The following TTN variants were observed in gnomAD, a reference collection of about 807,000 sequenced individuals.
TTN encodes the protein titin.
In TTN, 1,525 loss-of-function variants were observed where a neutral mutation model predicts 3,223.0. The observed-to-expected ratio is 0.47, with a 90% CI of 0.45 to 0.49. The LOEUF (loss-of-function observed/expected upper bound fraction) is 0.49. TTN is among the 20% of genes least tolerant of loss of function. The pLI is 0.00. For synonymous variants in TTN, 14,094 were observed against 15,161.0 expected (o/e 0.93, Z 5.17); for missense variants, 40,786 against 43,424.0 (o/e 0.94, Z 5.40).
chr2:178,592,287 G>A lies in TTN; in HGVS notation c.59627-10C>T, dbSNP rs775224600. On this transcript the variant is annotated splice_polypyrimidine_tract_variant and intron_variant, in intron 301 of 362. Transcript: ENST00000589042. ...GGTGGCCCAGGTTTATCTAAAAAGT[G>A]TTAAATAACAGTTTGATAAGTAATT... is the stretch of plus-strand genomic sequence containing the variant. 1.0e-5 allele frequency: 16 copies of A among 1,604,232 alleles called. No homozygotes were observed. Among genetic ancestry groups the A allele is most frequent in the Non-Finnish European group, 1.4e-5 (16 of 1,177,684 alleles).
At chr2:178,706,781 T>A in intron 101 of TTN, 42 bp from the exon 102 acceptor site, 1 of 1,596,198 alleles carries the variant, frequency 6.3e-7, no homozygotes, top group Non-Finnish European at 8.5e-7. Context: ...TTTAATTTTC[T>A]AAAATCAGTT....
rs755417099 is a variant in TTN at position 178,575,627 on chromosome 2, C to T, written c.70505G>A (p.Gly23502Glu). 1.9e-6 allele frequency: 3 copies of T among 1,613,542 alleles called. No homozygotes were observed. In the East Asian group the frequency reaches 6.7e-5, roughly 36 times the overall value. Reference sequence around the variant, plus strand: ...CATCACTCTGAAGAAATATTCACACCCTTCAGACAAGCCGGTAACTTTATA... The same window carrying T: ...CATCACTCTGAAGAAATATTCACACTCTTCAGACAAGCCGGTAACTTTATA... ...CTYKVTGLSE[G>E]CEYFFRVMAE... The change falls in exon 326 of 363, where the codon GGG becomes GAG. Residue 23502 changes from glycine (G) to glutamate (E), a missense_variant. Transcript: ENST00000589042. This position sits in a 1 kb window ranked among gnomAD's most constrained non-coding sequence, Gnocchi z 4.0.
Position 178,730,309 on chromosome 2 carries a change from A to T in TTN, c.18091T>A (p.Leu6031Ile). The change falls in exon 62 of 363, where the codon TTA (leucine) becomes ATA (isoleucine). Residue 6031 changes from leucine (L) to isoleucine (I), a missense_variant. Coordinates refer to ENST00000589042, the MANE Select transcript of TTN (RefSeq NM_001267550.2). ...QDVNPNTRVQ[L>I]KALVGGTAPM... ...GCAGTGCCACCCACAAGAGCCTTTA[A>T]CTGTACCCTTGTGTTGGGATTGACA... 4.3e-6 allele frequency: 7 copies of T among 1,611,786 alleles called. No individual in the cohort carries two copies. Among genetic ancestry groups the T allele is most frequent in the Non-Finnish European group, 5.9e-6 (7 of 1,178,858 alleles).
In TTN at chr2:178,613,146, T is replaced by C. The variant is rs1398512687; in HGVS notation, c.49648+15A>G. 1.2e-6 allele frequency: 2 copies of C among 1,607,044 alleles called. No individual in the cohort carries two copies. Among genetic ancestry groups the C allele is most frequent in the Non-Finnish European group, 1.7e-6 (2 of 1,177,620 alleles). On this transcript the variant is annotated intron_variant, in intron 264 of 362. Transcript: ENST00000589042. ...ATGAACTTCGAAATAACCACAAAAATTATATAAATAATACCTATGGGATCC... is the reference window on the plus strand; with the variant it reads ...ATGAACTTCGAAATAACCACAAAAACTATATAAATAATACCTATGGGATCC...
In TTN at chr2:178,770,785, C is replaced by T. The variant is rs753032128; in HGVS notation, c.8117-110G>A. ...ACCCTGCAAAAGAATGGCTACCAAA[C>T]ATTTTACAGTTATGCAGCACCTCTG... On this transcript the variant is annotated intron_variant, in intron 34 of 362. Coordinates refer to ENST00000589042, the MANE Select transcript of TTN (RefSeq NM_001267550.2). 8.8e-6 allele frequency: 12 copies of T among 1,357,158 alleles called. No homozygotes were observed. The South Asian group carries it at 1.1e-4, about 12-fold the overall frequency. 84.1% of individuals were successfully genotyped at this position (1,357,158 alleles called of 1,614,324 possible). A position where few individuals can be genotyped will look rare whatever the true frequency, so the allele number is the denominator to read the frequency against.
intron 238 of TTN, among the ~76,000 whole-genome samples, chr2:178,630,572 C>A (rs1302100197): frequency 6.6e-6 from 1 of 152,088 alleles, no homozygotes; most frequent in Admixed American, 6.6e-5. Context: ...TCTGAGCCAA[C>A]TAGCAGCATC....
Position 178,642,284 on chromosome 2 carries a change from A to G in TTN, c.40511T>C (p.Leu13504Pro), listed in dbSNP as rs776115575. The G allele has an allele frequency of 6.3e-7, 1 of 1,595,806 alleles. No individual in the cohort carries two copies. The highest frequency in any genetic ancestry group is 1.3e-5 in the African/African-American group (1 of 74,686). ...PGGEKKVRKL[L>P]PERKPEPKEE... ...CTTTGGTTCAGGTTTACGTTCCGGA[A>G]GTAATTTGCGAACTTTCTTTTCACC... The change falls in exon 219 of 363, where the codon CTT (leucine) becomes CCT (proline). Residue 13504 changes from leucine (L) to proline (P), a missense_variant. Coordinates refer to ENST00000589042, the MANE Select transcript of TTN (RefSeq NM_001267550.2).
chr2:178,617,921 A>C lies in TTN; in HGVS notation c.47430T>G (p.Thr15810=). The C allele has an allele frequency of 6.2e-7, 1 of 1,612,680 alleles. No homozygotes were observed. The highest frequency in any genetic ancestry group is 8.5e-7 in the Non-Finnish European group (1 of 1,179,086). The change falls in exon 253 of 363, where the codon ACT becomes ACG. Residue 15810 remains threonine, a synonymous_variant. Coordinates refer to ENST00000589042, the MANE Select transcript of TTN (RefSeq NM_001267550.2). ...KTSIRWDTAM[T]VRAEDLSATV... is the part of the protein sequence containing the mutation. ...TTGCAGACAGGTCTTCAGCTCTCAC[A>C]GTCATGGCAGTATCCCACCTGATAG...
rs763190523 is a variant in TTN at position 178,757,705 on chromosome 2, A to C, written c.10515T>G (p.Ile3505Met). The C allele has an allele frequency of 2.2e-5, 35 of 1,613,830 alleles. No individual in the cohort carries two copies. The highest frequency in any genetic ancestry group is 3.0e-5 in the Non-Finnish European group (35 of 1,179,772). ...EIQWFHNQQL[I>M]LPTKDVVFHF... ...GGAAAACTACATCTTTTGTTGGTAGAATTAGCTGCTGGTTATGAAACCATT... is the reference window on the plus strand; with the variant it reads ...GGAAAACTACATCTTTTGTTGGTAGCATTAGCTGCTGGTTATGAAACCATT... Residue 3505 changes from isoleucine to methionine, a missense_variant, in exon 45 of 363, where the codon ATT becomes ATG. Coordinates refer to ENST00000589042, the MANE Select transcript of TTN (RefSeq NM_001267550.2).
rs377185608 is a variant in TTN, at chr2:178,575,182, G to C, written c.70950C>G (p.Asn23650Lys). The C allele has an allele frequency of 1.4e-5, 22 of 1,612,604 alleles. No individual in the cohort carries two copies. In the African/African-American group the frequency reaches 2.0e-4, roughly 15 times the overall value. The change falls in exon 326 of 363, where the codon AAC becomes AAG. Residue 23650 changes from asparagine to lysine, a missense_variant. Physicochemically the swap from Asn to Lys is moderately conservative, Grantham distance 94. Coordinates refer to ENST00000589042, the MANE Select transcript of TTN (RefSeq NM_001267550.2). This position sits in a 1 kb window ranked among gnomAD's most constrained non-coding sequence, Gnocchi z 4.0. The stretch of plus-strand genomic sequence containing the variant: ...CGAGCACTGGAATTTCAACTTTGAT[G>C]TTGTCACCAGCTTTGGCAATGACCA... ...QKLVIAKAGD[N>K]IKVEIPVLGR...
At chr2:178,762,481 G>C (rs2089467265) in intron 43 of TTN, among the ~76,000 whole-genome samples, 1 of 152,042 alleles carries the variant, frequency 6.6e-6, no homozygotes, top group Admixed American at 6.6e-5. Context: ...ACACTTTAAA[G>C]GCAATACTAC....
Position 178,588,688 on chromosome 2 carries a change from C to T in TTN, c.63037G>A (p.Val21013Ile), listed in dbSNP as rs1559561777. The T allele has an allele frequency of 6.2e-7, 1 of 1,613,216 alleles. No individual in the cohort carries two copies. The highest frequency in any genetic ancestry group is 8.5e-7 in the Non-Finnish European group (1 of 1,179,480). Reference protein sequence around the residue: ...KEKHSTRWVPVNKSAIPERRM... With the variant: ...KEKHSTRWVPINKSAIPERRM... ...CTCTCAGGGATTGCACTCTTGTTGA[C>T]AGGGACCCATCGTGTTGAATGCTTT... The change falls in exon 304 of 363, where the codon GTC becomes ATC. Residue 21013 changes from valine to isoleucine, a missense_variant. Transcript: ENST00000589042.
chr2:178,747,419 A>G, intron 47 of TTN: 2 of 1,613,416 alleles, frequency 1.2e-6, no homozygotes, highest in Non-Finnish European at 1.7e-6. Flanking sequence ...AAAATATTCA[A>G]CAGATGATGG....
At position 178,793,426 on chromosome 2, in the gene TTN, T is replaced by C. The variant is rs2093615434; in HGVS notation, c.1514A>G (p.Gln505Arg). Reference sequence around the variant, plus strand: ...CACCTGCTCATGAGTTACGTGCATCTGCTCTTGCTTTGTGGTAATTACTTC... The same window carrying C: ...CACCTGCTCATGAGTTACGTGCATCCGCTCTTGCTTTGTGGTAATTACTTC... ...TKEVITTKQE[Q>R]MHVTHEQIRK... The change falls in exon 9 of 363, where the codon CAG becomes CGG. Residue 505 changes from glutamine to arginine, a missense_variant. Transcript: ENST00000589042. 1 of 1,614,192 alleles carries C rather than the reference T, an allele frequency of 6.2e-7. No individual in the cohort carries two copies. Among genetic ancestry groups the C allele is most frequent in the Non-Finnish European group, 8.5e-7 (1 of 1,180,008 alleles).
chr2:178,563,305 G>T lies in TTN; in HGVS notation c.82827C>A (p.Val27609=), dbSNP rs1575645407. The T allele has an allele frequency of 6.2e-7, 1 of 1,613,558 alleles. No individual in the cohort carries two copies. Among genetic ancestry groups the T allele is most frequent in the South Asian group, 1.1e-5 (1 of 91,058 alleles). ...GAPVKGYVVE[V]KEAAADEWTT... The stretch of plus-strand genomic sequence containing the variant: ...TCCATTCATCCGCAGCAGCTTCTTT[G>T]ACCTCTACAACATAGCCTTTAACAG... The change falls in exon 326 of 363, where the codon GTC becomes GTA. Residue 27609 remains valine (V), a synonymous_variant. Coordinates refer to ENST00000589042, the MANE Select transcript of TTN (RefSeq NM_001267550.2). This position sits in a 1 kb window ranked among gnomAD's most constrained non-coding sequence, Gnocchi z 4.5.
At chr2:178,646,300 A>G (rs1480387444) in intron 216 of TTN, among the ~76,000 whole-genome samples, 185 bp downstream of exon 216, 1 of 151,424 alleles carries the variant, frequency 6.6e-6, no homozygotes, top group Non-Finnish European at 1.5e-5. Context: ...CAGACAAGCC[A>G]CAGTTGACAT....
rs940658679 is a variant in TTN at position 178,741,213 on chromosome 2, C to T, written c.12020G>A (p.Gly4007Asp). The T allele has an allele frequency of 1.2e-6, 2 of 1,613,190 alleles. No individual in the cohort carries two copies. Among genetic ancestry groups the T allele is most frequent in the Admixed American group, 3.3e-5 (2 of 59,980 alleles). Reference sequence around the variant, plus strand: ...ATTCTCTGCTTTACAGATATAGAGGCCACTGTCTTCCCTCTGAGGGTCATT... The same window carrying T: ...ATTCTCTGCTTTACAGATATAGAGGTCACTGTCTTCCCTCTGAGGGTCATT... ...IVNDPQREDS[G>D]LYICKAENML... is the part of the protein sequence containing the mutation. The change falls in exon 48 of 363, where the codon GGC becomes GAC. Residue 4007 changes from glycine (G) to aspartate (D), a missense_variant. Transcript: ENST00000589042.
At position 178,544,645 on chromosome 2, in the gene TTN, C is replaced by T. The variant is rs560899170; in HGVS notation, c.95723-139G>A. ...AAGATAATCTTTATTAACTGGGCTC[C>T]TGATATTATAGGACAGCACAGAGTG... On this transcript the variant is annotated intron_variant, in intron 344 of 362. Coordinates refer to ENST00000589042, the MANE Select transcript of TTN (RefSeq NM_001267550.2). 9.9e-5 allele frequency: 65 copies of T among 658,838 alleles called. No individual in the cohort carries two copies. In the African/African-American group the frequency reaches 1.0e-3, roughly 10 times the overall value. 40.8% of individuals were successfully genotyped at this position (658,838 alleles called of 1,614,324 possible). A position where few individuals can be genotyped will look rare whatever the true frequency, so the allele number is the denominator to read the frequency against.
chr2:178,687,965 C>A, intron 127 of TTN, 146 bp downstream of exon 127: 5 of 637,608 alleles, frequency 7.8e-6, no homozygotes, highest in Non-Finnish European at 1.4e-5. Context: ...GTGTTTTGAT[C>A]AAAATATTCA....
Sources: gnomAD v4.1 joint callset for allele counts (sites outside exome capture counted in the v4.1 genomes callset) on GRCh38, gnomAD v4.1.1 for gene constraint, Gnocchi (gnomAD v3.1) non-coding constraint, MANE v1.5 for transcripts, NCBI Gene and HGNC (gene_info 2026-07-23, HGNC 2026-07-21) for gene names.